WNK1: variants seen among roughly 807,000 people sequenced by gnomAD.
The protein encoded by WNK1 is WNK lysine deficient protein kinase 1.
WNK1 carries 38 observed loss-of-function variants against 222.8 expected under a neutral mutation model. That is an observed-to-expected ratio of 0.17 (90% CI 0.13 to 0.22). The LOEUF (loss-of-function observed/expected upper bound fraction) is 0.22. Ranked by LOEUF, WNK1 falls within the 10% of genes least tolerant of loss-of-function variation. WNK1 has a pLI of 1.00. For synonymous variants in WNK1, 1,090 were observed against 1,092.9 expected (o/e 1.00, Z 0.05); for missense variants, 2,348 against 2,918.4 (o/e 0.80, Z 4.50).
At chr12:859,210 A>G (rs927095749) in intron 5 of WNK1, 35 bp from the exon 6 acceptor site, 5 of 1,550,394 alleles carry the variant, frequency 3.2e-6, no homozygotes, top group Non-Finnish European at 4.5e-6. Flanking sequence ...ATGGTGTTTT[A>G]TTTTTGTTCC....
Position 868,491 on chromosome 12 carries a change from C to G in WNK1, c.2140-2774C>G, listed in dbSNP as rs539230381. 9 of 1,613,804 alleles carry G rather than the reference C, an allele frequency of 5.6e-6. No homozygotes were observed. In the Admixed American group the frequency reaches 1.3e-4, roughly 24 times the overall value. ...CTAAGATTAGATTCTGGATTGGGTC[C>G]GGGATCTCCCCTCTCTAGTATTTCT... On this transcript the variant is annotated intron_variant, in intron 8 of 27. Coordinates refer to ENST00000315939, the MANE Select transcript of WNK1 (RefSeq NM_018979.4).
At chr12:768,513 GCTAGTGATCAT>G (rs1942062380) in intron 1 of WNK1, among the ~76,000 whole-genome samples, 1 of 152,096 alleles carries the variant, frequency 6.6e-6, no homozygotes, top group African/African-American at 2.4e-5. Flanking sequence ...GAGATATTTT[GCTAGTGATCAT>G]CCTCTGGCTA....
intron 6 of WNK1, among the ~76,000 whole-genome samples, chr12:859,946 T>C (rs1951080808): frequency 6.6e-6 from 1 of 152,018 alleles, no homozygotes; most frequent in Non-Finnish European, 1.5e-5. Context: ...GAACTCCTTA[T>C]GTCAAGTGAT....
intron 8 of WNK1, chr12:865,406 A>G: frequency 1.3e-6 from 2 of 1,514,382 alleles, no homozygotes; most frequent in East Asian, 2.5e-5. Context: ...AATTATTACC[A>G]ATGAATACAT....
chr12:908,658 G>A lies in WNK1; in HGVS notation c.7015G>A (p.Gly2339Arg), dbSNP rs1295998421. Reference protein sequence around the residue: ...PATPFGAQWSGTGGPAPQPLG... With the variant: ...PATPFGAQWSRTGGPAPQPLG... Reference sequence around the variant, plus strand: ...TACCCCATTTGGCGCTCAATGGAGTGGGACGGGTGGCCCAGCACCACAGCC... The same window carrying A: ...TACCCCATTTGGCGCTCAATGGAGTAGGACGGGTGGCCCAGCACCACAGCC... The change falls in exon 28 of 28, where the codon GGG becomes AGG. Residue 2339 changes from glycine to arginine, a missense_variant. Gly to Arg is a moderately radical substitution (Grantham distance 125, BLOSUM62 -2). Coordinates refer to ENST00000315939, the MANE Select transcript of WNK1 (RefSeq NM_018979.4). The A allele has an allele frequency of 6.2e-7, 1 of 1,614,084 alleles. No individual in the cohort carries two copies. The highest frequency in any genetic ancestry group is 8.5e-7 in the Non-Finnish European group (1 of 1,180,054).
chr12:785,598 C>T (rs1176412137), intron 1 of WNK1, among the ~76,000 whole-genome samples: 6 of 151,968 alleles, frequency 3.9e-5, no homozygotes, highest in South Asian at 2.1e-4. Flanking sequence ...GGGGTTTCAC[C>T]GTGTTCGCCA....
At position 822,087 on chromosome 12, in the gene WNK1, C is replaced by CTTTTTTT. The variant is rs376271992; in HGVS notation, c.933-4937_933-4931dup. The stretch of plus-strand genomic sequence containing the variant: ...TGTTTGTTTTCTGTATGTCTTATAC[C>CTTTTTTT]TTTTTTTTTTTTTTTTTTTTTTTTG... On this transcript the variant is annotated intron_variant, in intron 2 of 27. Transcript: ENST00000315939. Among the ~76,000 whole-genome samples the CTTTTTTT allele has an allele frequency of 7.8e-4, 56 of 71,456 alleles. 3 individuals are homozygous for CTTTTTTT. Among genetic ancestry groups the CTTTTTTT allele is most frequent in the Non-Finnish European group, 9.7e-4 (39 of 40,288 alleles). The allele number at this position is 71,456 out of a possible 152,430, so 46.9% of individuals were successfully genotyped here.
intron 1 of WNK1, among the ~76,000 whole-genome samples, chr12:768,818 G>GTT (rs1461268210): frequency 1.4e-5 from 2 of 147,456 alleles, no homozygotes; most frequent in Non-Finnish European, 3.0e-5. Context: ...AAGTTTTTTT[G>GTT]TTTTTTTTTT....
At chr12:818,386 A>G (rs1947556397) in intron 2 of WNK1, among the ~76,000 whole-genome samples, 1 of 152,212 alleles carries the variant, frequency 6.6e-6, no homozygotes, top group Non-Finnish European at 1.5e-5. Flanking sequence ...GATTTTGGGC[A>G]AATAGCTAAC....
chr12:765,316 G>A (rs1941550591), intron 1 of WNK1, among the ~76,000 whole-genome samples: 1 of 147,016 alleles, frequency 6.8e-6, no homozygotes, highest in South Asian at 2.2e-4. Flanking sequence ...GGAAGGCTGA[G>A]GCAGGAGGAT....
At chr12:907,726 C>G in intron 26 of WNK1, 121 bp from the exon 27 acceptor site, 1 of 1,213,934 alleles carries the variant, frequency 8.2e-7, no homozygotes, top group Non-Finnish European at 1.2e-6. Context: ...TCTTGCATGG[C>G]TTCCCAGTTC....
At chr12:892,063 C>CT (rs56227513) in intron 22 of WNK1, among the ~76,000 whole-genome samples, 34,538 of 134,924 alleles carry the variant, frequency 0.26, 4,181 homozygotes, top group Middle Eastern at 0.32. Flanking sequence ...GCTTGGAAAT[C>CT]TTTTTTTTTT....
chr12:783,490 C>CAA lies in WNK1; in HGVS notation c.759+29175_759+29176dup, dbSNP rs142291416. On this transcript the variant is annotated intron_variant, in intron 1 of 27. Transcript: ENST00000315939. ...CAACAAACCAAGATGCTGTCTCCAC[C>CAA]AAAAAAAAAACAAAACAAAAATTAT... Among the ~76,000 whole-genome samples, 31 of 74,360 alleles carry CAA rather than the reference C, an allele frequency of 4.2e-4. 3 individuals carry two copies. The highest frequency in any genetic ancestry group is 1.7e-3 in the East Asian group (4 of 2,378). The allele number at this position is 74,360 out of a possible 152,430, so 48.8% of individuals were successfully genotyped here.
intron 2 of WNK1, among the ~76,000 whole-genome samples, chr12:820,372 T>A (rs1947744670): frequency 6.6e-6 from 1 of 152,026 alleles, no homozygotes; most frequent in South Asian, 2.1e-4. Flanking sequence ...CTGGTATATA[T>A]AAATACAACT....
intron 2 of WNK1, among the ~76,000 whole-genome samples, chr12:823,770 A>G (rs1591864008): frequency 6.6e-6 from 1 of 152,156 alleles, no homozygotes; most frequent in Admixed American, 6.5e-5. Context: ...ATATCTTAGT[A>G]CTGAAGAACT....
intron 1 of WNK1, among the ~76,000 whole-genome samples, chr12:796,596 A>C (rs1945335575): frequency 6.6e-6 from 1 of 152,216 alleles, no homozygotes; most frequent in African/African-American, 2.4e-5. Flanking sequence ...ATTGAAGTTG[A>C]ATGATCAATT....
At chr12:803,696 C>G (rs1416761255) in intron 1 of WNK1, among the ~76,000 whole-genome samples, 1 of 152,022 alleles carries the variant, frequency 6.6e-6, no homozygotes, top group Non-Finnish European at 1.5e-5. Context: ...GAGATTGTGC[C>G]ACTGCACTCC....
intron 2 of WNK1, among the ~76,000 whole-genome samples, chr12:825,556 C>A (rs1325209934): frequency 6.6e-6 from 1 of 152,080 alleles, no homozygotes; most frequent in African/African-American, 2.4e-5. Flanking sequence ...AATTTCATAT[C>A]TTATACAAGT....
intron 1 of WNK1, chr12:781,058 A>G (rs1308106914): frequency 6.5e-6 from 1 of 153,120 alleles, no homozygotes; most frequent in Non-Finnish European, 1.5e-5. Context: ...TTCACAAAAT[A>G]GTTTCCTTAC....
Sources: allele counts gnomAD v4.1 joint callset (sites outside exome capture counted in the v4.1 genomes callset), GRCh38; gene constraint gnomAD v4.1.1; transcripts MANE v1.5; gene names NCBI Gene and HGNC (gene_info 2026-07-23, HGNC 2026-07-21).